Variants in MEAK7 observed in about 807,000 individuals in gnomAD.
The protein encoded by MEAK7 is MTOR associated protein MEAK7.
Under a neutral mutation model 40.5 loss-of-function variants are expected in MEAK7, and 68 were observed. That is an observed-to-expected ratio of 1.68 (90% confidence interval 1.38 to 2.06). The LOEUF (loss-of-function observed/expected upper bound fraction) is 2.06. MEAK7 is among the 30% of genes most tolerant of loss of function. MEAK7 has a pLI of 0.00. For synonymous variants in MEAK7, 338 were observed against 231.9 expected (o/e 1.46, Z -4.16); for missense variants, 918 against 580.5 (o/e 1.58, Z -5.98).
At chr16:84,495,631 A>C (rs890130098) in intron 3 of MEAK7, 52 bp downstream of exon 3, 37 of 1,576,402 alleles carry the variant, frequency 2.3e-5, no homozygotes, top group African/African-American at 1.6e-4. Flanking sequence ...CCCCCCACCG[A>C]TGGTCACCAA....
chr16:84,482,365 A>T (rs1025635851), intron 6 of MEAK7, among the ~76,000 whole-genome samples: 1 of 152,222 alleles, frequency 6.6e-6, no homozygotes, highest in African/African-American at 2.4e-5. Context: ...CTGCACACAA[A>T]CCACTGAGAA....
At chr16:84,487,475 C>G (rs939914911) in intron 4 of MEAK7, 1 of 163,946 alleles carries the variant, frequency 6.1e-6, no homozygotes, top group Admixed American at 5.7e-5. Flanking sequence ...TTCAGAACCC[C>G]TCGAGATGGC....
In MEAK7 at chr16:84,479,935, C is replaced by G. The variant is rs190726637; in HGVS notation, c.1349G>C (p.Arg450Pro). 1 of 1,609,084 alleles carries G rather than the reference C, an allele frequency of 6.2e-7. No homozygotes were observed. The highest frequency in any genetic ancestry group is 8.5e-7 in the Non-Finnish European group (1 of 1,176,616). Residue 450 changes from arginine to proline, a missense_variant, in exon 8 of 8, where the codon CGG (arginine) becomes CCG (proline). Arg to Pro is a moderately radical substitution (Grantham distance 103). Coordinates refer to ENST00000343629, the MANE Select transcript of MEAK7 (RefSeq NM_020947.4). ...SGHSRHSEGL[R>P]EVPDDE ...TCCTCATTCATCGTCCGGGACTTCC[C>G]GGAGCCCTTCGCTGTGGCGCGAATG...
chr16:84,490,089 G>T (rs544539686), intron 3 of MEAK7, among the ~76,000 whole-genome samples: 1 of 152,180 alleles, frequency 6.6e-6, no homozygotes, highest in African/African-American at 2.4e-5. Context: ...AGAGCACTCA[G>T]TAATTGTACA....
chr16:84,501,093 CAAAAAAAAAAAG>C (rs1914460822), intron 1 of MEAK7, among the ~76,000 whole-genome samples: 1 of 27,818 alleles, frequency 3.6e-5, no homozygotes, highest in African/African-American at 1.2e-4. Context: ...AGACTCGTCT[CAAAAAAAAAAAG>C]AAAAAAAAAA....
At chr16:84,503,134 G>A (rs1227619424) in intron 1 of MEAK7, among the ~76,000 whole-genome samples, 1 of 152,146 alleles carries the variant, frequency 6.6e-6, no homozygotes, top group Non-Finnish European at 1.5e-5. Context: ...GGGCCACACT[G>A]GAAGAACTGT....
At chr16:84,485,604 C>T (rs980900088) in intron 5 of MEAK7, among the ~76,000 whole-genome samples, 1 of 152,220 alleles carries the variant, frequency 6.6e-6, no homozygotes, top group African/African-American at 2.4e-5. Flanking sequence ...CACTGATGGG[C>T]GACGCATCTG....
intron 1 of MEAK7, among the ~76,000 whole-genome samples, chr16:84,498,370 G>C (rs1038260041): frequency 2.4e-4 from 36 of 152,016 alleles, no homozygotes; most frequent in Admixed American, 1.9e-3. Flanking sequence ...CTGGGCTCGG[G>C]CAATCCTCCC....
chr16:84,495,772 A>G lies in MEAK7; in HGVS notation c.295T>C (p.Leu99=). ...EQFTASMSHL[L]KGNSEEKSLM... is the part of the protein sequence containing the mutation. Reference sequence around the variant, plus strand: ...CTCTTCTCCTCGGAGTTTCCTTTCAACAGGTGGGACATGGATGCTGTGAAC... The same window carrying G: ...CTCTTCTCCTCGGAGTTTCCTTTCAGCAGGTGGGACATGGATGCTGTGAAC... The change falls in exon 3 of 8, where the codon TTG becomes CTG. Residue 99 remains leucine (L), a synonymous_variant. Transcript: ENST00000343629. 6.2e-7 allele frequency: 1 copy of G among 1,613,996 alleles called. No individual in the cohort carries two copies.
intron 2 of MEAK7, among the ~76,000 whole-genome samples, chr16:84,496,172 T>A (rs1914030995): frequency 6.6e-6 from 1 of 152,196 alleles, no homozygotes; most frequent in Non-Finnish European, 1.5e-5. Context: ...TTTCCCCACA[T>A]GTTCCTGGCA....
At position 84,480,037 on chromosome 16, in the gene MEAK7, G is replaced by C. The variant is rs371004996; in HGVS notation, c.1258-11C>G. 1.7e-5 allele frequency: 27 copies of C among 1,582,890 alleles called. No individual in the cohort carries two copies. The highest frequency in any genetic ancestry group is 8.1e-5 in the African/African-American group (6 of 74,000). On this transcript the variant is annotated splice_polypyrimidine_tract_variant and intron_variant, in intron 7 of 7. Coordinates refer to ENST00000343629, the MANE Select transcript of MEAK7 (RefSeq NM_020947.4). Reference sequence around the variant, plus strand: ...CTTGTTGCCCTTGGCCTTGAGAAGAGAAGAAAGGGTGGGTGTGTTCCATGA... The same window carrying C: ...CTTGTTGCCCTTGGCCTTGAGAAGACAAGAAAGGGTGGGTGTGTTCCATGA...
intron 2 of MEAK7, chr16:84,497,368 G>A: frequency 8.2e-7 from 1 of 1,225,688 alleles, no homozygotes; most frequent in Admixed American, 2.7e-5. Context: ...AATCTAAAAT[G>A]TGATTATTTT....
At chr16:84,489,670 G>A (rs562442195) in intron 3 of MEAK7, among the ~76,000 whole-genome samples, 9 of 152,232 alleles carry the variant, frequency 5.9e-5, no homozygotes, top group Admixed American at 5.2e-4. Flanking sequence ...AGGACTCCCC[G>A]AGGATGGACA....
rs773865396 is a variant in MEAK7, at chr16:84,487,090, G to A, written c.530-31C>T. ...GGAAGGGGATGGTCAGCATTAGTGG[G>A]GCTGTTATGTCACCATTTAGCTACT... On this transcript the variant is annotated intron_variant, in intron 4 of 7. Transcript: ENST00000343629. 4 of 1,578,716 alleles carry A rather than the reference G, an allele frequency of 2.5e-6. No homozygotes were observed. In the East Asian group the frequency reaches 8.9e-5, roughly 35 times the overall value.
intron 7 of MEAK7, among the ~76,000 whole-genome samples, chr16:84,480,313 C>G (rs780141342): frequency 6.6e-6 from 1 of 152,120 alleles, no homozygotes; most frequent in South Asian, 2.1e-4. Context: ...CTTGGGGAAC[C>G]CCCCTTCCCA....
At chr16:84,501,845 A>G (rs1914531111) in intron 1 of MEAK7, among the ~76,000 whole-genome samples, 1 of 152,220 alleles carries the variant, frequency 6.6e-6, no homozygotes, top group Admixed American at 6.5e-5. Flanking sequence ...GCCCCGTGCC[A>G]GGCAAGATAA....
At chr16:84,483,090 G>A (rs1912721911) in intron 5 of MEAK7, among the ~76,000 whole-genome samples, 1 of 152,202 alleles carries the variant, frequency 6.6e-6, no homozygotes, top group Non-Finnish European at 1.5e-5. Context: ...GAGGCCTCCA[G>A]CACAGCCTAC....
intron 5 of MEAK7, among the ~76,000 whole-genome samples, chr16:84,484,294 G>A (rs1451577770): frequency 6.6e-6 from 1 of 152,210 alleles, no homozygotes; most frequent in South Asian, 2.1e-4. Context: ...CACCAACAAC[G>A]AGGACTCCTT....
At chr16:84,485,089 G>C (rs867938961) in intron 5 of MEAK7, among the ~76,000 whole-genome samples, 6 of 152,302 alleles carry the variant, frequency 3.9e-5, no homozygotes, top group African/African-American at 1.4e-4. Context: ...AATTTCCCCG[G>C]AGCCCGAGGC....
Sources: gnomAD v4.1 joint callset for allele counts (sites outside exome capture counted in the v4.1 genomes callset) on GRCh38, gnomAD v4.1.1 for gene constraint, MANE v1.5 for transcripts, NCBI Gene and HGNC (gene_info 2026-07-23, HGNC 2026-07-21) for gene names.